The following COL5A2 variants were observed in gnomAD, a reference collection of about 807,000 sequenced individuals.
COL5A2 encodes the protein collagen type V alpha 2 chain, also known as collagen alpha-2(V) chain.
COL5A2 carries 23 observed loss-of-function variants against 208.2 expected under a neutral mutation model. The observed-to-expected ratio is 0.11, with a 90% CI of 0.08 to 0.16. The LOEUF is 0.16. Among genes scored for constraint, COL5A2 ranks in the 10% least tolerant of loss-of-function variants. The pLI, the probability that COL5A2 is intolerant of heterozygous loss-of-function variation, is 1.00. For synonymous variants in COL5A2, 625 were observed against 628.5 expected, an observed-to-expected ratio of 0.99 and a Z score of 0.08; for missense variants, 1,590 against 1,956.4, an observed-to-expected ratio of 0.81 and a Z score of 3.53.
chr2:189,357,071 A>C, the COL5A2 span, among the ~76,000 whole-genome samples: 1 of 152,210 alleles, frequency 6.6e-6, no homozygotes, highest in African/African-American at 2.4e-5. Flanking sequence ...AGGCTGCAGA[A>C]CAGCAGAGAT....
At chr2:189,243,787 C>T in the COL5A2 span, among the ~76,000 whole-genome samples, 47 of 152,242 alleles carry the variant, frequency 3.1e-4, no homozygotes, top group South Asian at 8.9e-3. Flanking sequence ...CCTCTGCCTA[C>T]GAGCCTGTAA....
the COL5A2 span, among the ~76,000 whole-genome samples, chr2:189,274,742 A>C: frequency 6.6e-6 from 1 of 152,180 alleles, no homozygotes; most frequent in Non-Finnish European, 1.5e-5. Context: ...TTTCATGCCA[A>C]AGACAAAAAA....
At chr2:189,145,823 T>C (rs879789473) in intron 1 of COL5A2, among the ~76,000 whole-genome samples, 13 of 152,152 alleles carry the variant, frequency 8.5e-5, no homozygotes, top group Admixed American at 8.5e-4. Flanking sequence ...AGAAAATAGA[T>C]AGATAGTCCT....
At chr2:189,149,065 G>A (rs116520910) in intron 1 of COL5A2, among the ~76,000 whole-genome samples, 2,012 of 152,194 alleles carry the variant, frequency 0.013, 69 homozygotes, top group Admixed American at 0.074. Flanking sequence ...ACTTGAACCC[G>A]GAAGTCAGAG....
At chr2:189,243,776 C>T in the COL5A2 span, among the ~76,000 whole-genome samples, 5 of 152,148 alleles carry the variant, frequency 3.3e-5, no homozygotes, top group African/African-American at 1.2e-4. Flanking sequence ...AAGGCAAGTC[C>T]CCTCTGCCTA....
intron 1 of COL5A2, among the ~76,000 whole-genome samples, chr2:189,122,343 G>A (rs4667263): frequency 0.79 from 119,891 of 152,040 alleles, 49,803 homozygotes; most frequent in Non-Finnish European, 0.91. Flanking sequence ...GGTATTTGAG[G>A]TGGTGGGGGT....
At chr2:189,324,042 G>T in the COL5A2 span, among the ~76,000 whole-genome samples, 1 of 152,106 alleles carries the variant, frequency 6.6e-6, no homozygotes, top group African/African-American at 2.4e-5. Context: ...TCTGATCTTT[G>T]GCAAACCTGA....
chr2:189,184,533 C>G (rs1025804210), upstream of COL5A2, among the ~76,000 whole-genome samples: 3 of 152,098 alleles, frequency 2.0e-5, no homozygotes, highest in African/African-American at 7.2e-5. Flanking sequence ...GTTTTTTGAA[C>G]TTTTAGAAGT....
chr2:189,286,937 C>CA, the COL5A2 span, among the ~76,000 whole-genome samples: 2 of 151,022 alleles, frequency 1.3e-5, no homozygotes, highest in South Asian at 2.1e-4. Flanking sequence ...ATGTCAGAAG[C>CA]AAAAAAAACT....
At chr2:189,423,120 A>C in the COL5A2 span, among the ~76,000 whole-genome samples, 3 of 152,188 alleles carry the variant, frequency 2.0e-5, no homozygotes, top group Admixed American at 6.5e-5. Flanking sequence ...TGACAAAATT[A>C]AAAGGAACTT....
At chr2:189,318,651 G>C in the COL5A2 span, among the ~76,000 whole-genome samples, 2 of 152,120 alleles carry the variant, frequency 1.3e-5, no homozygotes, top group East Asian at 3.9e-4. Context: ...TTTGACAAGA[G>C]AACACTTTGA....
At chr2:189,055,149 C>G (rs950030152) in intron 35 of COL5A2, among the ~76,000 whole-genome samples, 2 of 152,166 alleles carry the variant, frequency 1.3e-5, no homozygotes, top group African/African-American at 2.4e-5. Flanking sequence ...TCCCAAAGTG[C>G]TGGGATTACA....
At chr2:189,363,086 T>C in the COL5A2 span, among the ~76,000 whole-genome samples, 1 of 152,026 alleles carries the variant, frequency 6.6e-6, no homozygotes, top group Non-Finnish European at 1.5e-5. Flanking sequence ...AATAAATAAA[T>C]ATTCAAAATC....
intron 1 of COL5A2, among the ~76,000 whole-genome samples, chr2:189,149,973 C>A (rs1688113617): frequency 6.6e-6 from 1 of 152,104 alleles, no homozygotes; most frequent in Admixed American, 6.5e-5. Flanking sequence ...TGTCTTATGG[C>A]AATATAATTT....
chr2:189,188,557 TA>T (rs1348423596), intron 1 of COL5A2, among the ~76,000 whole-genome samples: 1 of 152,236 alleles, frequency 6.6e-6, no homozygotes, highest in Non-Finnish European at 1.5e-5. Flanking sequence ...TCTCTGTAGC[TA>T]AATTGAGAGT....
chr2:189,413,081 A>C, the COL5A2 span, among the ~76,000 whole-genome samples: 2 of 152,230 alleles, frequency 1.3e-5, no homozygotes, highest in African/African-American at 2.4e-5. Context: ...GAATATTCAC[A>C]GAATAATTTC....
chr2:189,037,697 C>T (rs1366557216), intron 51 of COL5A2, among the ~76,000 whole-genome samples: 1 of 152,002 alleles, frequency 6.6e-6, no homozygotes, highest in Non-Finnish European at 1.5e-5. Context: ...TATTTGATTC[C>T]AAAATGTCTT....
At chr2:189,045,954 C>T (rs1205443810) in intron 45 of COL5A2, 47 bp from the exon 46 acceptor site, 1 of 1,499,454 alleles carries the variant, frequency 6.7e-7, no homozygotes, top group Non-Finnish European at 9.3e-7. Context: ...TATTCTAAAA[C>T]AACAATATTC....
the COL5A2 span, among the ~76,000 whole-genome samples, chr2:189,344,718 A>C: frequency 1.3e-5 from 2 of 152,100 alleles, no homozygotes; most frequent in African/African-American, 4.8e-5. Flanking sequence ...ACACTAACCT[A>C]TCCAGACGCA....
Sources: gnomAD v4.1 joint callset for allele counts (sites outside exome capture counted in the v4.1 genomes callset) on GRCh38, gnomAD v4.1.1 for gene constraint, MANE v1.5 for transcripts, NCBI Gene and HGNC (gene_info 2026-07-23, HGNC 2026-07-21) for gene names.